MAS1: variants seen among roughly 807,000 people sequenced by gnomAD.
MAS1 encodes proto-oncogene Mas.
For missense variants in MAS1, 387 were observed against 409.7 expected (o/e 0.94, Z 0.48); for synonymous variants, 163 against 164.2 (o/e 0.99, Z 0.05).
rs1008371859 is a variant in MAS1 at position 159,911,328 on chromosome 6, CTTTTTTTTTTTT to C, written c.*3408_*3419del. 1 of 94,532 alleles carries C rather than the reference CTTTTTTTTTTTT, an allele frequency of 1.1e-5. No homozygotes were observed. Among genetic ancestry groups the C allele is most frequent in the South Asian group, 3.8e-4 (1 of 2,650 alleles). The allele number at this position is 94,532 out of a possible 1,614,324, so 5.9% of individuals were successfully genotyped here. On this transcript the variant is annotated 3_prime_UTR_variant, in exon 3 of 3. Coordinates refer to ENST00000674077, the MANE Select transcript of MAS1 (RefSeq NM_002377.4). ...TTCTTTTTTCTTTTCTTTTCTTTTCCTTTTTTTTTTTTTTTTTTTTTTTTGAGACAGAGTCTT... is the reference window on the plus strand; with the variant it reads ...TTCTTTTTTCTTTTCTTTTCTTTTCCTTTTTTTTTTTTGAGACAGAGTCTT...
Position 159,907,534 on chromosome 6 carries a change from C to T in MAS1, c.579C>T (p.Ile193=). The change falls in exon 3 of 3, where the codon ATC becomes ATT. Residue 193 remains isoleucine, a synonymous_variant. Coordinates refer to ENST00000674077, the MANE Select transcript of MAS1 (RefSeq NM_002377.4). ...DCRAVIIFIA[I]LSFLVFTPLM... ...GAGCAGTCATCATCTTTATAGCCAT[C>T]CTGAGCTTCCTGGTCTTCACGCCCC... 1 of 1,614,062 alleles carries T rather than the reference C, an allele frequency of 6.2e-7. No individual in the cohort carries two copies. Among genetic ancestry groups the T allele is most frequent in the Non-Finnish European group, 8.5e-7 (1 of 1,180,012 alleles).
In MAS1 at chr6:159,913,753, T is replaced by G. The variant is rs886754102; in HGVS notation, c.*5820T>G. 7.2e-5 allele frequency: 11 copies of G among 152,242 alleles called. No individual in the cohort carries two copies. Among genetic ancestry groups the G allele is most frequent in the African/African-American group, 2.7e-4 (11 of 41,458 alleles). The allele number at this position is 152,242 out of a possible 1,614,324, so 9.4% of individuals were successfully genotyped here. ...TTTGCTTAAAATTATTGGCATGTTG[T>G]TGAAATTATAATGAGTTTTAGTAAA... On this transcript the variant is annotated 3_prime_UTR_variant, in exon 3 of 3. Transcript: ENST00000674077.
chr6:159,895,666 AG>A (rs917132270), intron 1 of MAS1, among the ~76,000 whole-genome samples: 1 of 152,252 alleles, frequency 6.6e-6, no homozygotes, highest in African/African-American at 2.4e-5. Flanking sequence ...AATTAAAACA[AG>A]GTATCTTTTA....
intron 2 of MAS1, among the ~76,000 whole-genome samples, chr6:159,904,384 T>C (rs1782857974): frequency 6.6e-6 from 1 of 152,102 alleles, no homozygotes; most frequent in Non-Finnish European, 1.5e-5. Context: ...CCTCACAGGC[T>C]TCTCGAACTC....
chr6:159,907,611 G>C lies in MAS1; in HGVS notation c.656G>C (p.Trp219Ser), dbSNP rs138263796. ...ILVVKIRKNT[W>S]ASHSSKLYIV... ...GTCGTGAAGATCCGGAAGAACACGTGGGCTTCCCATTCCTCCAAGCTTTAC... is the reference window on the plus strand; with the variant it reads ...GTCGTGAAGATCCGGAAGAACACGTCGGCTTCCCATTCCTCCAAGCTTTAC... The change falls in exon 3 of 3, where the codon TGG becomes TCG. Residue 219 changes from tryptophan to serine, a missense_variant. Transcript: ENST00000674077. 2.8e-5 allele frequency: 45 copies of C among 1,613,588 alleles called. No individual in the cohort carries two copies. In the African/African-American group the frequency reaches 3.5e-4, roughly 12 times the overall value.
upstream of MAS1, among the ~76,000 whole-genome samples, chr6:159,890,870 C>T (rs747193028): frequency 1.3e-5 from 2 of 152,212 alleles, no homozygotes; most frequent in African/African-American, 2.4e-5. Context: ...TCTGGATTGG[C>T]GTGAAGATTT....
At chr6:159,905,674 G>C (rs1020689576) in intron 2 of MAS1, among the ~76,000 whole-genome samples, 1 of 152,138 alleles carries the variant, frequency 6.6e-6, no homozygotes, top group East Asian at 1.9e-4. Flanking sequence ...CAAGTGCCAC[G>C]AAATAACACA....
chr6:159,894,456 A>C (rs1782732956), intron 1 of MAS1, among the ~76,000 whole-genome samples: 1 of 151,380 alleles, frequency 6.6e-6, no homozygotes, highest in Non-Finnish European at 1.5e-5. Context: ...AGCCTGGTGG[A>C]ACTCCAAGGT....
In MAS1 at chr6:159,907,916, G is replaced by A. The variant is rs747381298; in HGVS notation, c.961G>A (p.Val321Ile). The change falls in exon 3 of 3, where the codon GTT (valine) becomes ATT (isoleucine). Residue 321 changes from valine to isoleucine, a missense_variant. Val to Ile is a conservative substitution (Grantham distance 29). Coordinates refer to ENST00000674077, the MANE Select transcript of MAS1 (RefSeq NM_002377.4). ...GAAAGACAATTGTAATACGGTCACA[G>A]TTGAGACTGTCGTCTAAGAACTGTG... ...RQKDNCNTVT[V>I]ETVV 6.3e-7 allele frequency: 1 copy of A among 1,598,868 alleles called. No homozygotes were observed. Among genetic ancestry groups the A allele is most frequent in the East Asian group, 2.2e-5 (1 of 44,590 alleles).
At chr6:159,906,875 T>C (rs1383112624) in intron 2 of MAS1, 45 bp from the exon 3 acceptor site, 1 of 1,432,234 alleles carries the variant, frequency 7.0e-7, no homozygotes, top group African/African-American at 1.4e-5. Flanking sequence ...AATTCAACAA[T>C]TTTCATGGCT....
chr6:159,905,345 T>C (rs1782872686), intron 2 of MAS1, among the ~76,000 whole-genome samples: 1 of 152,218 alleles, frequency 6.6e-6, no homozygotes, highest in South Asian at 2.1e-4. Flanking sequence ...TCTCATCCTG[T>C]GTGGGTTCTT....
intron 1 of MAS1, among the ~76,000 whole-genome samples, chr6:159,898,667 T>TCCC (rs1562310002): frequency 0.016 from 171 of 10,374 alleles, 5 homozygotes; most frequent in East Asian, 0.15. Flanking sequence ...TCCCTCCTCC[T>TCCC]TCCTCTTCCT....
At position 159,907,076 on chromosome 6, in the gene MAS1, A is replaced by T. The variant is rs199916450; in HGVS notation, c.121A>T (p.Ser41Cys). The T allele has an allele frequency of 1.1e-4, 177 of 1,614,122 alleles. No homozygotes were observed. The highest frequency in any genetic ancestry group is 1.4e-4 in the Non-Finnish European group (169 of 1,179,992). Residue 41 changes from serine to cysteine, a missense_variant, in exon 3 of 3, where the codon AGC (serine) becomes TGC (cysteine). Physicochemically the swap from Ser to Cys is moderately radical, Grantham distance 112. Transcript: ENST00000674077. Reference sequence around the variant, plus strand: ...CCCCATCGTGCACTGGGTCATTATGAGCATCTCCCCAGTGGGGTTTGTTGA... The same window carrying T: ...CCCCATCGTGCACTGGGTCATTATGTGCATCTCCCCAGTGGGGTTTGTTGA... ...QIPIVHWVIM[S>C]ISPVGFVENG...
Position 159,915,370 on chromosome 6 carries a change from G to T in MAS1, c.*7437G>T, listed in dbSNP as rs779822689. 3 of 152,244 alleles carry T rather than the reference G, an allele frequency of 2.0e-5. No homozygotes were observed. Among genetic ancestry groups the T allele is most frequent in the Non-Finnish European group, 2.9e-5 (2 of 68,066 alleles). The allele number at this position is 152,244 out of a possible 1,614,324, so 9.4% of individuals were successfully genotyped here. On this transcript the variant is annotated 3_prime_UTR_variant, in exon 3 of 3. Transcript: ENST00000674077. ...TTATTTATAATAGACAATCTTGACA[G>T]ATTAGGTATATCCTGCTGGAAATAG...
At chr6:159,892,970 C>T (rs1782717518) in intron 1 of MAS1, among the ~76,000 whole-genome samples, 1 of 152,226 alleles carries the variant, frequency 6.6e-6, no homozygotes, top group Non-Finnish European at 1.5e-5. Context: ...ACTTGCCTCT[C>T]ATGGTCAGTT....
At chr6:159,895,878 A>G (rs1364336663) in intron 1 of MAS1, among the ~76,000 whole-genome samples, 5 of 152,242 alleles carry the variant, frequency 3.3e-5, no homozygotes, top group African/African-American at 4.8e-5. Context: ...CACTTTTAGA[A>G]ATATGTCCTA....
Position 159,910,542 on chromosome 6 carries a change from A to C in MAS1, c.*2609A>C, listed in dbSNP as rs1562313569. 1 of 152,264 alleles carries C rather than the reference A, an allele frequency of 6.6e-6. No individual in the cohort carries two copies. The highest frequency in any genetic ancestry group is 1.5e-5 in the Non-Finnish European group (1 of 68,076). The allele number at this position is 152,264 out of a possible 1,614,324, so 9.4% of individuals were successfully genotyped here. ...TGCTCGTTCTCTGTCTCTTCACGCTAGACTATAAGCTCCTTGAGGGCAGGG... is the reference window on the plus strand; with the variant it reads ...TGCTCGTTCTCTGTCTCTTCACGCTCGACTATAAGCTCCTTGAGGGCAGGG... On this transcript the variant is annotated 3_prime_UTR_variant, in exon 3 of 3. Transcript: ENST00000674077.
chr6:159,907,995 G>C lies in MAS1; in HGVS notation c.*62G>C. ...CACAGGTCATTTTTAGTTTGTGCTT[G>C]GAATATGACTTAAGTATCTCCTAAA... On this transcript the variant is annotated 3_prime_UTR_variant, in exon 3 of 3. Transcript: ENST00000674077. The C allele has an allele frequency of 6.6e-7, 1 of 1,505,660 alleles. No homozygotes were observed. The highest frequency in any genetic ancestry group is 8.9e-7 in the Non-Finnish European group (1 of 1,122,882). The allele number at this position is 1,505,660 out of a possible 1,614,324, so 93.3% of individuals were successfully genotyped here. A position where few individuals can be genotyped will look rare whatever the true frequency, so the allele number is the denominator to read the frequency against.
In MAS1 at chr6:159,912,197, T is replaced by TGATGGA. The variant is rs1305343691; in HGVS notation, c.*4276_*4281dup. ...CTTTGTGCCTCACAGCTCCAGTGAC[T>TGATGGA]GATGGAGATGGAGATGGGATCGTTG... On this transcript the variant is annotated 3_prime_UTR_variant, in exon 3 of 3. Coordinates refer to ENST00000674077, the MANE Select transcript of MAS1 (RefSeq NM_002377.4). 6.6e-6 allele frequency: 1 copy of TGATGGA among 152,276 alleles called. No individual in the cohort carries two copies. Among genetic ancestry groups the TGATGGA allele is most frequent in the African/African-American group, 2.4e-5 (1 of 41,468 alleles). The allele number at this position is 152,276 out of a possible 1,614,324, so 9.4% of individuals were successfully genotyped here. A position where few individuals can be genotyped will look rare whatever the true frequency, so the allele number is the denominator to read the frequency against.
Sources: allele counts gnomAD v4.1 joint callset (sites outside exome capture counted in the v4.1 genomes callset), GRCh38; gene constraint gnomAD v4.1.1; transcripts MANE v1.5; gene names NCBI Gene and HGNC (gene_info 2026-07-23, HGNC 2026-07-21).